Variants in PALM2AKAP2 observed in about 807,000 individuals in gnomAD.
PALM2AKAP2 encodes PALM2-AKAP2 fusion protein.
Under a neutral mutation model 71.5 loss-of-function variants are expected in PALM2AKAP2, and 37 were observed. The ratio of observed to expected loss-of-function variants is 0.52; its 90% CI spans 0.40 to 0.68. The LOEUF is 0.68. Among genes scored for constraint, PALM2AKAP2 ranks in the 30% least tolerant of loss-of-function variants. The pLI, the probability that PALM2AKAP2 is intolerant of heterozygous loss-of-function variation, is 0.00. For missense variants in PALM2AKAP2, 1,224 were observed against 1,191.8 expected, an observed-to-expected ratio of 1.03 and a Z score of -0.40; for synonymous variants, 468 against 478.8, an observed-to-expected ratio of 0.98 and a Z score of 0.29.
At chr9:109,665,009 CTCGTGCCAAGGTTT>C (rs1465372321) in intron 1 of PALM2AKAP2, among the ~76,000 whole-genome samples, 4 of 152,182 alleles carry the variant, frequency 2.6e-5, no homozygotes, top group Non-Finnish European at 5.9e-5. Context: ...TCACAAAGTT[CTCGTGCCAAGGTTT>C]TCAGCTCCAT....
intron 1 of PALM2AKAP2, among the ~76,000 whole-genome samples, chr9:109,814,807 T>A (rs755554078): frequency 6.6e-6 from 1 of 152,192 alleles, no homozygotes. Context: ...TCCCTGTAAC[T>A]GGATTGGAAG....
At chr9:109,946,116 G>A (rs1216794584) in intron 6 of PALM2AKAP2, 1 of 152,082 alleles carries the variant, frequency 6.6e-6, no homozygotes, top group African/African-American at 2.4e-5. Flanking sequence ...GGGAATTCAG[G>A]CTTAGCCAGT....
intron 1 of PALM2AKAP2, among the ~76,000 whole-genome samples, chr9:109,794,919 G>A (rs1827209919): frequency 6.6e-6 from 1 of 152,174 alleles, no homozygotes; most frequent in South Asian, 2.1e-4. Context: ...ACAGGGTTGT[G>A]GACACTCACA....
intron 1 of PALM2AKAP2, among the ~76,000 whole-genome samples, chr9:109,823,851 T>C (rs1828074839): frequency 6.6e-6 from 1 of 152,120 alleles, no homozygotes; most frequent in Non-Finnish European, 1.5e-5. Context: ...CAGAAAGAAG[T>C]ATTTTGCTCC....
chr9:109,823,636 C>T (rs776143843), intron 1 of PALM2AKAP2, among the ~76,000 whole-genome samples: 11 of 152,146 alleles, frequency 7.2e-5, no homozygotes, highest in Non-Finnish European at 1.5e-4. Context: ...GGCTGCCCCA[C>T]CATGTTCAAC....
chr9:110,076,703 T>C (rs1588093430), intron 1 of PALM2AKAP2, among the ~76,000 whole-genome samples: 1 of 152,036 alleles, frequency 6.6e-6, no homozygotes, highest in South Asian at 2.1e-4. Flanking sequence ...TAAGTAAAAA[T>C]ATAGGGTCCC....
chr9:109,679,222 G>C (rs1035297333), intron 1 of PALM2AKAP2, among the ~76,000 whole-genome samples: 4 of 152,210 alleles, frequency 2.6e-5, no homozygotes, highest in Admixed American at 2.6e-4. Context: ...AGCTGTACCA[G>C]ATTAGAGGGA....
chr9:109,712,926 G>A (rs1002126224), intron 1 of PALM2AKAP2, among the ~76,000 whole-genome samples: 12 of 152,168 alleles, frequency 7.9e-5, no homozygotes, highest in Non-Finnish European at 1.6e-4. Context: ...TGCAACATTT[G>A]GTCCTAGTCC....
At chr9:109,966,275 T>C (rs560721542) in intron 6 of PALM2AKAP2, among the ~76,000 whole-genome samples, 3 of 152,268 alleles carry the variant, frequency 2.0e-5, no homozygotes, top group African/African-American at 7.2e-5. Flanking sequence ...TAAACTAGGA[T>C]GGTGGCTGTG....
chr9:110,048,099 C>T (rs1044781996), upstream of PALM2AKAP2, among the ~76,000 whole-genome samples: 3 of 152,234 alleles, frequency 2.0e-5, no homozygotes, highest in Non-Finnish European at 4.4e-5. Flanking sequence ...CTCTGAACCC[C>T]ATCGGGGGAG....
chr9:109,743,704 A>G (rs1416986381), intron 1 of PALM2AKAP2, among the ~76,000 whole-genome samples: 1 of 152,234 alleles, frequency 6.6e-6, no homozygotes, highest in Non-Finnish European at 1.5e-5. Context: ...TAGGCAGGCA[A>G]CACTTTCTAC....
At chr9:109,712,647 C>T (rs1211676546) in intron 1 of PALM2AKAP2, among the ~76,000 whole-genome samples, 2 of 152,198 alleles carry the variant, frequency 1.3e-5, no homozygotes, top group Non-Finnish European at 2.9e-5. Context: ...AAGCCAATGG[C>T]TTTTTCTTTG....
At chr9:110,066,041 G>T (rs1436832884) in intron 1 of PALM2AKAP2, among the ~76,000 whole-genome samples, 1 of 152,218 alleles carries the variant, frequency 6.6e-6, no homozygotes, top group African/African-American at 2.4e-5. Context: ...GGCATCAAAA[G>T]AGTTCCCCAG....
rs374270328 is a variant in PALM2AKAP2 at position 109,815,850 on chromosome 9, AG to A, written c.45+35319del. On this transcript the variant is annotated intron_variant, in intron 1 of 9. Coordinates refer to the PALM2AKAP2 transcript ENST00000302798. ...GATTTGCATGGATTGTTTTAAGAAG[AG>A]GAAGTCTAAATTCTTAGGTGAAGGA... is the stretch of plus-strand genomic sequence containing the variant. Among the ~76,000 whole-genome samples, 363 of 152,294 alleles carry A rather than the reference AG, an allele frequency of 2.4e-3. 1 individual carries two copies. The highest frequency in any genetic ancestry group is 8.4e-3 in the African/African-American group (347 of 41,542).
chr9:109,921,460 A>G (rs1830828163), intron 3 of PALM2AKAP2, among the ~76,000 whole-genome samples: 1 of 152,204 alleles, frequency 6.6e-6, no homozygotes, highest in African/African-American at 2.4e-5. Context: ...ATCTCTAGAC[A>G]TTGCTGAATA....
intron 3 of PALM2AKAP2, among the ~76,000 whole-genome samples, chr9:109,912,920 A>G (rs1830604699): frequency 6.6e-6 from 1 of 152,218 alleles, no homozygotes; most frequent in Non-Finnish European, 1.5e-5. Flanking sequence ...ACTTCTCTCA[A>G]GACAAAGATC....
chr9:109,941,108 T>C (rs1831350649), intron 6 of PALM2AKAP2, among the ~76,000 whole-genome samples: 1 of 151,792 alleles, frequency 6.6e-6, no homozygotes, highest in South Asian at 2.1e-4. Flanking sequence ...TTTTTCTTCC[T>C]TCTCCTTCCC....
At chr9:109,707,719 A>G (rs1292484558) in intron 1 of PALM2AKAP2, among the ~76,000 whole-genome samples, 1 of 152,116 alleles carries the variant, frequency 6.6e-6, no homozygotes, top group Admixed American at 6.5e-5. Context: ...TTCCATGCTC[A>G]GTTTCTCTGC....
chr9:110,100,081 A>ATATATATC (rs1554751767), intron 1 of PALM2AKAP2, among the ~76,000 whole-genome samples: 7 of 144,386 alleles, frequency 4.8e-5, no homozygotes, highest in Admixed American at 2.1e-4. Flanking sequence ...ATATATATAT[A>ATATATATC]GAAACATAAA....
Sources: allele counts gnomAD v4.1 joint callset (sites outside exome capture counted in the v4.1 genomes callset), GRCh38; gene constraint gnomAD v4.1.1; transcripts MANE v1.5; gene names NCBI Gene and HGNC (gene_info 2026-07-23, HGNC 2026-07-21).